ULK4: variants seen among roughly 807,000 people sequenced by gnomAD.
ULK4 encodes the protein unc-51 like kinase 4.
Under a neutral mutation model 160.6 loss-of-function variants are expected in ULK4, and 133 were observed. That is an observed-to-expected ratio of 0.83 (90% confidence interval 0.72 to 0.96). The LOEUF is 0.96. Ranked by LOEUF, ULK4 falls within the 40% of genes least tolerant of loss-of-function variation. The pLI, the probability that ULK4 is intolerant of heterozygous loss-of-function variation, is 0.00. For synonymous variants in ULK4, 534 were observed against 539.8 expected (o/e 0.99, Z 0.15); for missense variants, 1,580 against 1,499.5 (o/e 1.05, Z -0.89).
chr3:41,895,903 G>A (rs1306160500), intron 15 of ULK4, among the ~76,000 whole-genome samples: 1 of 151,960 alleles, frequency 6.6e-6, no homozygotes, highest in Non-Finnish European at 1.5e-5. Flanking sequence ...CCAAATGAGG[G>A]ACCACTATAG....
intron 21 of ULK4, among the ~76,000 whole-genome samples, chr3:41,770,184 A>G (rs1559539640): frequency 6.6e-6 from 1 of 152,228 alleles, no homozygotes; most frequent in Non-Finnish European, 1.5e-5. Context: ...TTGATTAAAA[A>G]GTGAGCAGAC....
At chr3:41,805,612 C>T (rs980146962) in intron 19 of ULK4, among the ~76,000 whole-genome samples, 2 of 150,984 alleles carry the variant, frequency 1.3e-5, no homozygotes, top group Admixed American at 6.6e-5. Flanking sequence ...ATGATACTGG[C>T]TGTGGGTTTG....
chr3:41,809,349 A>G (rs1157041372), intron 19 of ULK4, among the ~76,000 whole-genome samples: 3 of 150,042 alleles, frequency 2.0e-5, no homozygotes, highest in Admixed American at 1.3e-4. Context: ...TCTTGGTTCA[A>G]TGAATTACTA....
At position 41,749,432 on chromosome 3, in the gene ULK4, G is replaced by A. The variant is rs558282588; in HGVS notation, c.2321+4929C>T. 1.1e-4 allele frequency among the ~76,000 whole-genome samples: 16 copies of A among 151,436 alleles called. No individual in the cohort carries two copies. In the South Asian group the frequency reaches 2.7e-3, roughly 26 times the overall value. On this transcript the variant is annotated intron_variant, in intron 22 of 36. Transcript: ENST00000301831. Reference sequence around the variant, plus strand: ...TGGGAGGCAGAGGCTGCAGTGAGCCGAGATCACACCACTGCACTACAGCCT... The same window carrying A: ...TGGGAGGCAGAGGCTGCAGTGAGCCAAGATCACACCACTGCACTACAGCCT...
At chr3:41,550,694 T>G (rs2087030360) in intron 32 of ULK4, among the ~76,000 whole-genome samples, 1 of 151,922 alleles carries the variant, frequency 6.6e-6, no homozygotes, top group Admixed American at 6.6e-5. Flanking sequence ...TAGTTGGGGA[T>G]TTTGACATAA....
chr3:41,695,021 G>C (rs959456216), intron 27 of ULK4, among the ~76,000 whole-genome samples: 1 of 152,212 alleles, frequency 6.6e-6, no homozygotes, highest in Non-Finnish European at 1.5e-5. Flanking sequence ...GGAAGTCCAA[G>C]ATCACGGTGC....
At chr3:41,730,377 CT>C (rs2037783301) in intron 22 of ULK4, among the ~76,000 whole-genome samples, 1 of 151,850 alleles carries the variant, frequency 6.6e-6, no homozygotes, top group African/African-American at 2.4e-5. Flanking sequence ...TATAACAAAC[CT>C]TTAGGTAGAC....
At chr3:41,425,094 G>A (rs553686793) in intron 34 of ULK4, among the ~76,000 whole-genome samples, 1 of 152,124 alleles carries the variant, frequency 6.6e-6, no homozygotes, top group South Asian at 2.1e-4. Context: ...GCTTACAGAG[G>A]AACATAAATG....
chr3:41,729,228 G>A (rs1215247205), intron 22 of ULK4, among the ~76,000 whole-genome samples: 1 of 152,164 alleles, frequency 6.6e-6, no homozygotes, highest in Non-Finnish European at 1.5e-5. Flanking sequence ...GGAATCATGA[G>A]GAAATTCCCC....
intron 35 of ULK4, among the ~76,000 whole-genome samples, chr3:41,368,813 CT>C (rs1260845281): frequency 1.3e-5 from 2 of 152,154 alleles, no homozygotes; most frequent in Non-Finnish European, 2.9e-5. Context: ...GTTGTCCCTA[CT>C]TTTTGGCTAT....
At chr3:41,546,225 C>G (rs1795336) in intron 32 of ULK4, among the ~76,000 whole-genome samples, 77,246 of 151,298 alleles carry the variant, frequency 0.51, 19,796 homozygotes, top group Middle Eastern at 0.58. Flanking sequence ...CTTTTTAGTG[C>G]TACTGATTTT....
intron 2 of ULK4, among the ~76,000 whole-genome samples, chr3:41,943,947 T>A (rs1020597144): frequency 6.6e-6 from 1 of 152,214 alleles, no homozygotes; most frequent in Non-Finnish European, 1.5e-5. Context: ...CTTACCTAAA[T>A]CTTTAATAAC....
At chr3:41,760,625 C>T (rs959788301) in intron 21 of ULK4, among the ~76,000 whole-genome samples, 1 of 152,070 alleles carries the variant, frequency 6.6e-6, no homozygotes, top group African/African-American at 2.4e-5. Context: ...GTTTCATGCA[C>T]TGAAAATATT....
intron 27 of ULK4, among the ~76,000 whole-genome samples, chr3:41,682,242 T>C (rs112696518): frequency 0.01 from 1,586 of 152,296 alleles, 24 homozygotes; most frequent in African/African-American, 0.036. Flanking sequence ...CTATGACAAG[T>C]TCGTCTTGGT....
chr3:41,544,645 T>C (rs1406037249), intron 32 of ULK4, among the ~76,000 whole-genome samples: 2 of 152,236 alleles, frequency 1.3e-5, no homozygotes, highest in African/African-American at 4.8e-5. Context: ...GCAGCTATGA[T>C]GTTTAAAACT....
intron 32 of ULK4, among the ~76,000 whole-genome samples, chr3:41,517,682 T>C (rs2085796759): frequency 6.6e-6 from 1 of 152,326 alleles, no homozygotes; most frequent in South Asian, 2.1e-4. Flanking sequence ...AAGCACTCGC[T>C]GTTCTGAAGA....
intron 35 of ULK4, among the ~76,000 whole-genome samples, chr3:41,307,492 A>G (rs1040876451): frequency 1.3e-5 from 2 of 152,220 alleles, no homozygotes; most frequent in African/African-American, 4.8e-5. Flanking sequence ...TTCTCACACT[A>G]TAAATGTGCT....
At chr3:41,348,347 T>C (rs1214335348) in intron 35 of ULK4, among the ~76,000 whole-genome samples, 1 of 152,086 alleles carries the variant, frequency 6.6e-6, no homozygotes, top group African/African-American at 2.4e-5. Flanking sequence ...TCTGTGTGTC[T>C]AGGACAAGGT....
chr3:41,642,686 G>A (rs1182620635), intron 30 of ULK4, among the ~76,000 whole-genome samples: 3 of 152,118 alleles, frequency 2.0e-5, no homozygotes, highest in African/African-American at 2.4e-5. Context: ...ATGATTTATA[G>A]TCCTTTGGGT....
Sources: allele counts gnomAD v4.1 joint callset (sites outside exome capture counted in the v4.1 genomes callset), GRCh38; gene constraint gnomAD v4.1.1; transcripts MANE v1.5; gene names NCBI Gene and HGNC (gene_info 2026-07-23, HGNC 2026-07-21).